The following RUVBL1 variants were observed in gnomAD, a reference collection of about 807,000 sequenced individuals.
The protein encoded by RUVBL1 is RuvB like AAA ATPase 1.
A neutral mutation model predicts 52.4 loss-of-function variants in RUVBL1; 4 were observed. The observed-to-expected ratio is 0.08, with a 90% CI of 0.04 to 0.17. The LOEUF (loss-of-function observed/expected upper bound fraction) is 0.17, where lower values mean the gene tolerates loss of function less well. Among genes scored for constraint, RUVBL1 ranks in the 10% least tolerant of loss-of-function variants. The probability of loss-of-function intolerance (pLI) is 1.00; values close to 1 mark genes in which losing one functional copy is unlikely to be tolerated. For missense variants in RUVBL1, 298 were observed against 572.8 expected, an observed-to-expected ratio of 0.52 and a Z score of 4.90; for synonymous variants, 217 against 214.4, an observed-to-expected ratio of 1.01 and a Z score of -0.10.
At chr3:128,118,848 G>A (rs1943582192) in intron 2 of RUVBL1, among the ~76,000 whole-genome samples, 1 of 152,128 alleles carries the variant, frequency 6.6e-6, no homozygotes, top group Admixed American at 6.5e-5. Flanking sequence ...CTTTCTTTCT[G>A]CCCTGGAGAG....
intron 1 of RUVBL1, among the ~76,000 whole-genome samples, chr3:128,133,848 A>T (rs1943914017): frequency 6.6e-6 from 1 of 152,224 alleles, no homozygotes; most frequent in African/African-American, 2.4e-5. Context: ...AGATATTGAC[A>T]AATATCCACA....
chr3:128,146,480 C>T (rs1168697947), intron 1 of RUVBL1, among the ~76,000 whole-genome samples: 1 of 149,368 alleles, frequency 6.7e-6, no homozygotes, highest in Non-Finnish European at 1.5e-5. Context: ...GTGTATGGCC[C>T]CATTTGCCTG....
intron 2 of RUVBL1, among the ~76,000 whole-genome samples, chr3:128,113,446 G>T (rs931553919): frequency 6.6e-6 from 1 of 152,146 alleles, no homozygotes; most frequent in Non-Finnish European, 1.5e-5. Context: ...ATCATAATTA[G>T]AAGAGTCTAC....
rs546052286 is a variant in RUVBL1 at position 128,068,092 on chromosome 3, T to A, written c.940-2872A>T. 6 of 1,555,736 alleles carry A rather than the reference T, an allele frequency of 3.9e-6. No homozygotes were observed. The Admixed American group carries it at 8.4e-5, about 22-fold the overall frequency. ...GTGGCCCCAGGTCCCCAACCTCCCG[T>A]CTGTGGACATGTGTTGTTTCTTTCC... On this transcript the variant is annotated intron_variant, in intron 9 of 9. Coordinates refer to the RUVBL1 transcript ENST00000464873.
chr3:128,100,031 A>C (rs191392724), intron 6 of RUVBL1, among the ~76,000 whole-genome samples: 88 of 152,336 alleles, frequency 5.8e-4, no homozygotes, highest in East Asian at 5.2e-3. Flanking sequence ...CCCACGGATC[A>C]AATTTCAAGT....
intron 1 of RUVBL1, among the ~76,000 whole-genome samples, chr3:128,150,569 CAT>C (rs1432485172): frequency 7.2e-6 from 1 of 139,250 alleles, no homozygotes; most frequent in Non-Finnish European, 1.5e-5. Flanking sequence ...ATGTATATTC[CAT>C]ATATATATTC....
At chr3:128,153,577 G>T in exon 1 of RUVBL1, 1 of 1,553,874 alleles carries the variant, frequency 6.4e-7, no homozygotes. Flanking sequence ...GACGGCGCTG[G>T]CGCGGGCGCT....
intron 9 of RUVBL1, among the ~76,000 whole-genome samples, chr3:128,074,669 C>T (rs546323561): frequency 2.0e-5 from 3 of 151,816 alleles, no homozygotes; most frequent in African/African-American, 7.2e-5. Context: ...ATGGAGAAAC[C>T]CCATCTCTAC....
chr3:128,150,646 TATTCTATAC>T (rs1318194157), intron 1 of RUVBL1, among the ~76,000 whole-genome samples: 10 of 135,722 alleles, frequency 7.4e-5, no homozygotes, highest in South Asian at 2.2e-4. Context: ...TCTATACATA[TATTCTATAC>T]ATATTCTATA....
At chr3:128,112,149 C>T (rs1031239035) in intron 3 of RUVBL1, among the ~76,000 whole-genome samples, 2 of 152,188 alleles carry the variant, frequency 1.3e-5, no homozygotes. Flanking sequence ...AAAACTGCCC[C>T]AGAAGTCCTA....
intron 8 of RUVBL1, among the ~76,000 whole-genome samples, chr3:128,092,500 G>A (rs539445507): frequency 5.9e-5 from 9 of 151,484 alleles, no homozygotes; most frequent in Non-Finnish European, 4.4e-5. Flanking sequence ...CTTACAATTC[G>A]ACAACAGAAA....
intron 1 of RUVBL1, among the ~76,000 whole-genome samples, chr3:128,121,101 T>C (rs1943636422): frequency 6.6e-6 from 1 of 152,098 alleles, no homozygotes. Context: ...CAGATGCTAC[T>C]TTTCTTTTCT....
chr3:128,135,428 G>T (rs1031886533), intron 1 of RUVBL1, among the ~76,000 whole-genome samples: 1 of 152,192 alleles, frequency 6.6e-6, no homozygotes, highest in Non-Finnish European at 1.5e-5. Context: ...AGCTACTTAG[G>T]AGGCTGAAGC....
chr3:128,086,535 T>C lies in RUVBL1; in HGVS notation c.1119+1171A>G, dbSNP rs116391723. Among the ~76,000 whole-genome samples, 702 of 152,272 alleles carry C rather than the reference T, an allele frequency of 4.6e-3. 6 individuals are homozygous for C. Among genetic ancestry groups the C allele is most frequent in the African/African-American group, 0.015 (617 of 41,554 alleles). ...GCCAGAGCCCATCAGAAGAGAACATTTGGGGCAAAGGTGGGCAGGGCAGAG... is the reference window on the plus strand; with the variant it reads ...GCCAGAGCCCATCAGAAGAGAACATCTGGGGCAAAGGTGGGCAGGGCAGAG... On this transcript the variant is annotated intron_variant, in intron 9 of 10. Coordinates refer to ENST00000322623, the MANE Select transcript of RUVBL1 (RefSeq NM_003707.3).
chr3:128,129,077 G>A (rs1943837774), intron 1 of RUVBL1, among the ~76,000 whole-genome samples: 1 of 151,980 alleles, frequency 6.6e-6, no homozygotes, highest in Admixed American at 6.6e-5. Flanking sequence ...CTTGCCAAGT[G>A]CCCCCCTTTC....
At chr3:128,075,841 T>C (rs1393662700), downstream of RUVBL1, 2 of 152,104 alleles carry the variant, frequency 1.3e-5, no homozygotes, top group African/African-American at 2.4e-5. Context: ...AAAGTGAGAG[T>C]GGCTGGTCCT....
chr3:128,151,286 T>A lies in RUVBL1; in HGVS notation c.-40+1917A>T, dbSNP rs964819544. 6.2e-5 allele frequency among the ~76,000 whole-genome samples: 9 copies of A among 145,248 alleles called. No homozygotes were observed. In the South Asian group the frequency reaches 8.4e-4, roughly 14 times the overall value. On this transcript the variant is annotated intron_variant, in intron 1 of 9. Coordinates refer to the RUVBL1 transcript ENST00000464873. ...TCTATATATATTCTATATATAGATA[T>A]ATAAACTATATCAAGTGATCTGCCT...
intron 3 of RUVBL1, among the ~76,000 whole-genome samples, chr3:128,106,430 C>T (rs919256562): frequency 6.6e-6 from 1 of 152,154 alleles, no homozygotes; most frequent in East Asian, 1.9e-4. Flanking sequence ...TTAGGCAACT[C>T]CTCCTAGCAG....
intron 3 of RUVBL1, among the ~76,000 whole-genome samples, chr3:128,108,892 C>T (rs1227802353): frequency 1.3e-5 from 2 of 152,130 alleles, no homozygotes; most frequent in Non-Finnish European, 2.9e-5. Flanking sequence ...CCACAAAGTA[C>T]ACTGCATGTA....
Sources: allele counts gnomAD v4.1 joint callset (sites outside exome capture counted in the v4.1 genomes callset), GRCh38; gene constraint gnomAD v4.1.1; transcripts MANE v1.5; gene names NCBI Gene and HGNC (gene_info 2026-07-23, HGNC 2026-07-21).